CMIP: variants seen among roughly 807,000 people sequenced by gnomAD.
CMIP encodes the protein c-Maf inducing protein.
Under a neutral mutation model 97.3 loss-of-function variants are expected in CMIP, and 13 were observed. The ratio of observed to expected loss-of-function variants is 0.13; its 90% CI spans 0.09 to 0.21. The LOEUF (loss-of-function observed/expected upper bound fraction) is 0.21. CMIP is among the 10% of genes least tolerant of loss of function. CMIP has a pLI of 1.00. For synonymous variants in CMIP, 538 were observed against 436.3 expected (o/e 1.23, Z -2.91); for missense variants, 847 against 1,024.9 (o/e 0.83, Z 2.37).
intron 1 of CMIP, among the ~76,000 whole-genome samples, chr16:81,480,562 C>T (rs1908197616): frequency 6.6e-6 from 1 of 152,096 alleles, no homozygotes. Flanking sequence ...AAATCTCCAC[C>T]TGAGTCCAAA....
intron 2 of CMIP, among the ~76,000 whole-genome samples, chr16:81,612,042 C>G (rs1567609794): frequency 6.6e-6 from 1 of 152,210 alleles, no homozygotes; most frequent in Non-Finnish European, 1.5e-5. Flanking sequence ...CCTGTTTATC[C>G]CATTTCCTCC....
Position 81,537,481 on chromosome 16 carries a change from G to A in CMIP, c.301-70086G>A, listed in dbSNP as rs191413947. Among the ~76,000 whole-genome samples, 474 of 141,664 alleles carry A rather than the reference G, an allele frequency of 3.3e-3. 4 individuals are homozygous for A. Among genetic ancestry groups the A allele is most frequent in the African/African-American group, 0.012 (449 of 38,412 alleles). 92.9% of individuals were successfully genotyped at this position (141,664 alleles called of 152,430 possible). A position where few individuals can be genotyped will look rare whatever the true frequency, so the allele number is the denominator to read the frequency against. ...ACCTGGGAGGCAGAGGTCGCTCTGA[G>A]CCAAGATTGCACCACCGTACTCCAG... On this transcript the variant is annotated intron_variant, in intron 1 of 20. Transcript: ENST00000537098.
intron 1 of CMIP, among the ~76,000 whole-genome samples, chr16:81,551,161 C>CATCACATATGTCCCAGTTCT (rs1264488852): frequency 6.7e-6 from 1 of 150,340 alleles, no homozygotes; most frequent in Non-Finnish European, 1.5e-5. Context: ...ACCCCAGTTC[C>CATCACATATGTCCCAGTTCT]ATCACATATG....
chr16:81,704,935 G>A (rs987997598), intron 18 of CMIP, among the ~76,000 whole-genome samples: 4 of 151,992 alleles, frequency 2.6e-5, no homozygotes, highest in Admixed American at 6.5e-5. Context: ...GCCAGGCTTC[G>A]CTGGCCTGCG....
chr16:81,467,194 C>T (rs370015284), intron 1 of CMIP, among the ~76,000 whole-genome samples: 14 of 152,308 alleles, frequency 9.2e-5, no homozygotes, highest in Admixed American at 3.9e-4. Context: ...TGTTTGTCAC[C>T]GGTCCCTAAC....
At chr16:81,475,570 G>C (rs1388739129) in intron 1 of CMIP, among the ~76,000 whole-genome samples, 11 of 152,094 alleles carry the variant, frequency 7.2e-5, no homozygotes. Context: ...GGCATGGAAG[G>C]GAACAAAACA....
At chr16:81,449,447 C>T (rs1413731622) in intron 1 of CMIP, among the ~76,000 whole-genome samples, 1 of 152,210 alleles carries the variant, frequency 6.6e-6, no homozygotes. Context: ...CTGTGTGTCA[C>T]TTGCTGAGCT....
intron 3 of CMIP, among the ~76,000 whole-genome samples, chr16:81,648,779 T>G: frequency 1.0e-5 from 1 of 96,176 alleles, no homozygotes; most frequent in Admixed American, 1.5e-4. Context: ...CAAGACTCTG[T>G]CTCAGAAAAA....
chr16:81,477,002 G>A (rs1402194942), intron 1 of CMIP, among the ~76,000 whole-genome samples: 1 of 152,036 alleles, frequency 6.6e-6, no homozygotes, highest in African/African-American at 2.4e-5. Flanking sequence ...ACCTCTTTGG[G>A]CTTCATCTAT....
intron 1 of CMIP, among the ~76,000 whole-genome samples, chr16:81,446,877 T>C (rs1181994539): frequency 1.6e-5 from 2 of 122,878 alleles, no homozygotes; most frequent in African/African-American, 6.2e-5. Flanking sequence ...GTTGCAGCCC[T>C]CGAGGACTTT....
At chr16:81,579,179 G>A (rs1372808093) in intron 1 of CMIP, among the ~76,000 whole-genome samples, 2 of 152,168 alleles carry the variant, frequency 1.3e-5, no homozygotes, top group Admixed American at 1.3e-4. Context: ...GCTATTGCAG[G>A]GATGATAAGG....
chr16:81,660,799 C>T, intron 5 of CMIP, 85 bp from the exon 6 acceptor site: 1 of 1,444,562 alleles, frequency 6.9e-7, no homozygotes, highest in South Asian at 1.1e-5. Context: ...ATTTTTTTCA[C>T]TTCACAATAT....
intron 1 of CMIP, among the ~76,000 whole-genome samples, chr16:81,578,103 C>G (rs575838842): frequency 6.6e-6 from 1 of 152,022 alleles, no homozygotes; most frequent in African/African-American, 2.4e-5. Flanking sequence ...ATCCCAATTA[C>G]CACTACATTA....
At chr16:81,706,432 C>T (rs964719076) in intron 19 of CMIP, among the ~76,000 whole-genome samples, 1 of 152,202 alleles carries the variant, frequency 6.6e-6, no homozygotes, top group African/African-American at 2.4e-5. Context: ...GGAGGCAGAG[C>T]GGCAGCGCTC....
intron 1 of CMIP, among the ~76,000 whole-genome samples, chr16:81,510,804 C>A (rs1171576067): frequency 2.0e-5 from 3 of 152,168 alleles, no homozygotes; most frequent in Non-Finnish European, 4.4e-5. Context: ...ACTGCAACCT[C>A]CACCTCCCAG....
At chr16:81,696,705 T>C in intron 14 of CMIP, 38 bp downstream of exon 14, 1 of 1,575,762 alleles carries the variant, frequency 6.3e-7, no homozygotes. Flanking sequence ...CTTCCAGGGG[T>C]CCCTGGGCTT....
At chr16:81,565,143 A>G (rs1223292845) in intron 1 of CMIP, among the ~76,000 whole-genome samples, 1 of 152,140 alleles carries the variant, frequency 6.6e-6, no homozygotes, top group Non-Finnish European at 1.5e-5. Context: ...CCATGGCATT[A>G]CAGAAAGCCC....
intron 1 of CMIP, among the ~76,000 whole-genome samples, chr16:81,531,793 G>A (rs1177653462): frequency 6.6e-6 from 1 of 152,230 alleles, no homozygotes; most frequent in Non-Finnish European, 1.5e-5. Flanking sequence ...TCACCACCAG[G>A]AAGGGGGAAA....
chr16:81,688,484 G>C (rs1224540033), intron 10 of CMIP, among the ~76,000 whole-genome samples: 1 of 152,188 alleles, frequency 6.6e-6, no homozygotes, highest in East Asian at 1.9e-4. Context: ...AAACCTCTGA[G>C]CCTCCAGTTC....
Sources: gnomAD v4.1 joint callset for allele counts (sites outside exome capture counted in the v4.1 genomes callset) on GRCh38, gnomAD v4.1.1 for gene constraint, MANE v1.5 for transcripts, NCBI Gene and HGNC (gene_info 2026-07-23, HGNC 2026-07-21) for gene names.